The following DYNC1I1 variants were observed in gnomAD, a reference collection of about 807,000 sequenced individuals.
DYNC1I1 encodes the protein cytoplasmic dynein 1 intermediate chain 1.
DYNC1I1 carries 43 observed loss-of-function variants against 86.6 expected under a neutral mutation model. The ratio of observed to expected loss-of-function variants is 0.50; its 90% CI spans 0.39 to 0.64. The LOEUF is 0.64. DYNC1I1 is among the 30% of genes least tolerant of loss of function. The pLI is 0.00. For synonymous variants in DYNC1I1, 262 were observed against 283.7 expected (o/e 0.92, Z 0.77); for missense variants, 604 against 788.8 (o/e 0.77, Z 2.81).
At chr7:95,790,747 A>G in intron 1 of DYNC1I1, among the ~76,000 whole-genome samples, 1 of 152,242 alleles carries the variant, frequency 6.6e-6, no homozygotes, top group East Asian at 1.9e-4. Context: ...GATGCAAAAA[A>G]ACACAACTAC....
chr7:95,819,967 T>C (rs943612516), intron 4 of DYNC1I1, among the ~76,000 whole-genome samples: 3 of 152,186 alleles, frequency 2.0e-5, no homozygotes, highest in Non-Finnish European at 4.4e-5. Context: ...ACAGCAGGAC[T>C]TTTGTGTAAG....
At chr7:96,049,032 G>A (rs1432449385) in intron 14 of DYNC1I1, among the ~76,000 whole-genome samples, 1 of 152,044 alleles carries the variant, frequency 6.6e-6, no homozygotes, top group African/African-American at 2.4e-5. Flanking sequence ...GGCCGAGGCA[G>A]GCAGATCACA....
At chr7:95,773,477 G>A (rs1181491211) in intron 1 of DYNC1I1, among the ~76,000 whole-genome samples, 1 of 152,256 alleles carries the variant, frequency 6.6e-6, no homozygotes, top group Non-Finnish European at 1.5e-5. Flanking sequence ...TCCTGGCAGC[G>A]CTGATGGGAA....
chr7:96,106,949 T>C (rs1791223834), intron 16 of DYNC1I1, among the ~76,000 whole-genome samples: 1 of 152,194 alleles, frequency 6.6e-6, no homozygotes, highest in African/African-American at 2.4e-5. Context: ...TTCTGTCAAT[T>C]ATTGAGAAGG....
intron 14 of DYNC1I1, among the ~76,000 whole-genome samples, chr7:96,065,760 T>G (rs1390016232): frequency 6.6e-6 from 1 of 152,192 alleles, no homozygotes; most frequent in African/African-American, 2.4e-5. Flanking sequence ...CCACTCTCTC[T>G]TTCAACTTCA....
chr7:95,853,646 G>A (rs535554631), intron 5 of DYNC1I1, among the ~76,000 whole-genome samples: 1 of 152,300 alleles, frequency 6.6e-6, no homozygotes, highest in Non-Finnish European at 1.5e-5. Flanking sequence ...CTGATGGATG[G>A]AATGTTCTGT....
chr7:95,838,115 T>C (rs767176156), intron 5 of DYNC1I1, among the ~76,000 whole-genome samples: 2 of 152,222 alleles, frequency 1.3e-5, no homozygotes, highest in African/African-American at 2.4e-5. Flanking sequence ...CCAAGGCCAA[T>C]GTCGAAAATC....
At chr7:96,045,136 G>T (rs994458730) in intron 14 of DYNC1I1, among the ~76,000 whole-genome samples, 1 of 152,178 alleles carries the variant, frequency 6.6e-6, no homozygotes, top group Non-Finnish European at 1.5e-5. Flanking sequence ...AGAAAGTAAA[G>T]AGAGCAAAGG....
At chr7:96,098,506 A>C, downstream of DYNC1I1, 2 of 837,118 alleles carry the variant, frequency 2.4e-6, no homozygotes, top group Non-Finnish European at 2.9e-6. Flanking sequence ...GGAGAGATAC[A>C]TTAGAGCCAT....
At chr7:95,864,746 C>A (rs1789974391) in intron 5 of DYNC1I1, among the ~76,000 whole-genome samples, 1 of 152,200 alleles carries the variant, frequency 6.6e-6, no homozygotes, top group Admixed American at 6.5e-5. Flanking sequence ...CCTTTTCCCT[C>A]ATCTCTTTAC....
Position 96,039,295 on chromosome 7 carries a change from G to C in DYNC1I1, c.1383G>C (p.Glu461Asp). ...CRHGSKAGIG[E>D]VFEGHQGPVT... is the part of the protein sequence containing the mutation. ...CCTACAGCAAAGCAGGTATTGGTGA[G>C]GTCTTTGAAGGTCACCAAGGGCCAG... The change falls in exon 14 of 17, where the codon GAG becomes GAC. Residue 461 changes from glutamate to aspartate, a missense_variant. By Grantham distance (45) the Glu-to-Asp change is conservative. Coordinates refer to ENST00000447467, the MANE Select transcript of DYNC1I1 (RefSeq NM_001135556.2). The C allele has an allele frequency of 1.2e-6, 2 of 1,613,952 alleles. No homozygotes were observed. The highest frequency in any genetic ancestry group is 1.7e-6 in the Non-Finnish European group (2 of 1,179,904).
intron 6 of DYNC1I1, among the ~76,000 whole-genome samples, chr7:95,938,596 A>G (rs953208607): frequency 2.0e-5 from 3 of 152,092 alleles, no homozygotes; most frequent in Non-Finnish European, 1.5e-5. Flanking sequence ...CACCTTGGAC[A>G]AGTTATTGAT....
At chr7:95,936,956 T>TCACACACACA (rs57989893) in intron 6 of DYNC1I1, among the ~76,000 whole-genome samples, 10,682 of 134,148 alleles carry the variant, frequency 0.08, 435 homozygotes, top group Admixed American at 0.09. Flanking sequence ...AGAATATGTC[T>TCACACACACA]CACACACACA....
chr7:95,880,687 C>T lies in DYNC1I1; in HGVS notation c.490+10689C>T, dbSNP rs1175243172. On this transcript the variant is annotated intron_variant, in intron 6 of 16. Coordinates refer to ENST00000447467, the MANE Select transcript of DYNC1I1 (RefSeq NM_001135556.2). ...TTGAGACAGAATCTTGCTCTGTCAC[C>T]CAGGCTGGAGTACAGTGACGTGTTC... Among the ~76,000 whole-genome samples the T allele has an allele frequency of 2.8e-5, 4 of 143,290 alleles. No homozygotes were observed. In the East Asian group the frequency reaches 8.1e-4, roughly 29 times the overall value. The allele number at this position is 143,290 out of a possible 152,430, so 94.0% of individuals were successfully genotyped here.
At chr7:96,028,392 A>G (rs1032730580) in intron 11 of DYNC1I1, 71 bp downstream of exon 11, 103 of 1,537,934 alleles carry the variant, frequency 6.7e-5, no homozygotes, top group Non-Finnish European at 8.5e-5. Context: ...TACTCAAAAA[A>G]GTATGGATGT....
chr7:96,092,120 TAC>T (rs1196190296), intron 16 of DYNC1I1, among the ~76,000 whole-genome samples: 5 of 152,152 alleles, frequency 3.3e-5, no homozygotes, highest in Non-Finnish European at 5.9e-5. Flanking sequence ...AAAGCCTGAC[TAC>T]TTAGGAAATT....
chr7:96,052,781 A>T (rs992859911), intron 14 of DYNC1I1, among the ~76,000 whole-genome samples: 4 of 152,158 alleles, frequency 2.6e-5, no homozygotes, highest in Admixed American at 2.6e-4. Flanking sequence ...AAAGGCAAAA[A>T]GGCAGCCTTG....
chr7:96,046,045 T>C (rs1013683357), intron 14 of DYNC1I1, among the ~76,000 whole-genome samples: 1 of 152,152 alleles, frequency 6.6e-6, no homozygotes, highest in African/African-American at 2.4e-5. Context: ...CCGCACCACG[T>C]TTCATCATTA....
chr7:96,028,326 T>C lies in DYNC1I1; in HGVS notation c.1116+5T>C. On this transcript the variant is annotated splice_donor_5th_base_variant and intron_variant, in intron 11 of 16. Coordinates refer to ENST00000447467, the MANE Select transcript of DYNC1I1 (RefSeq NM_001135556.2). ...TTATCAGCTGCTGCACACACGGTAA[T>C]GCAAACTTTTGCCATATCCCTGTGA... The C allele has an allele frequency of 6.3e-7, 1 of 1,593,750 alleles. No homozygotes were observed. The highest frequency in any genetic ancestry group is 1.1e-5 in the South Asian group (1 of 89,208).
Sources: allele counts gnomAD v4.1 joint callset (sites outside exome capture counted in the v4.1 genomes callset), GRCh38; gene constraint gnomAD v4.1.1; transcripts MANE v1.5; gene names NCBI Gene and HGNC (gene_info 2026-07-23, HGNC 2026-07-21).